RARB: variants seen among roughly 807,000 people sequenced by gnomAD.
RARB encodes the protein retinoic acid receptor beta.
A neutral mutation model predicts 51.9 loss-of-function variants in RARB; 17 were observed. The ratio of observed to expected loss-of-function variants is 0.33; its 90% CI spans 0.22 to 0.49. The LOEUF (loss-of-function observed/expected upper bound fraction) is 0.49, where lower values mean the gene tolerates loss of function less well. RARB is among the 20% of genes least tolerant of loss of function. The probability of loss-of-function intolerance (pLI) is 0.99; values close to 1 mark genes in which losing one functional copy is unlikely to be tolerated. For missense variants in RARB, 369 were observed against 550.8 expected (o/e 0.67, Z 3.30); for synonymous variants, 215 against 195.4 (o/e 1.10, Z -0.84).
intron 3 of RARB, among the ~76,000 whole-genome samples, chr3:25,524,811 C>A (rs1234743986): frequency 6.6e-6 from 1 of 152,056 alleles, no homozygotes; most frequent in Non-Finnish European, 1.5e-5. Flanking sequence ...TTCACTGCAA[C>A]CTCTGCCTCC....
chr3:24,959,464 C>G (rs993251866), intron 2 of RARB, among the ~76,000 whole-genome samples: 1 of 152,102 alleles, frequency 6.6e-6, no homozygotes, highest in East Asian at 1.9e-4. Context: ...CTCCCCTTCT[C>G]TGCTCTCTGC....
intron 2 of RARB, among the ~76,000 whole-genome samples, chr3:24,860,282 G>A (rs1328462840): frequency 6.6e-6 from 1 of 152,098 alleles, no homozygotes; most frequent in Non-Finnish European, 1.5e-5. Context: ...TAAACCTTTT[G>A]CATTTGGGAC....
At chr3:25,568,551 C>G (rs565377323) in intron 3 of RARB, among the ~76,000 whole-genome samples, 2 of 152,148 alleles carry the variant, frequency 1.3e-5, no homozygotes, top group South Asian at 4.2e-4. Flanking sequence ...TTCACCACTT[C>G]CTCTCTCCTC....
intron 2 of RARB, among the ~76,000 whole-genome samples, chr3:24,956,796 C>T (rs181467538): frequency 2.0e-5 from 3 of 152,166 alleles, no homozygotes; most frequent in South Asian, 4.2e-4. Flanking sequence ...GTCAACTTCC[C>T]CAGGAAACAG....
intron 2 of RARB, among the ~76,000 whole-genome samples, chr3:24,914,920 TTTG>T (rs1377858128): frequency 2.6e-5 from 4 of 152,166 alleles, no homozygotes; most frequent in Non-Finnish European, 5.9e-5. Flanking sequence ...CCTGTTTGGA[TTTG>T]TTGTTGAGCT....
At position 25,476,602 on chromosome 3, in the gene RARB, AC is replaced by A. The variant is rs368727566; in HGVS notation, c.306+15262del. ...AACGTATCTTTCATTTTATCTTTCTACAGTCTCCCCTGCCTTTCTGGGACCT... is the reference window on the plus strand; with the variant it reads ...AACGTATCTTTCATTTTATCTTTCTAAGTCTCCCCTGCCTTTCTGGGACCT... On this transcript the variant is annotated intron_variant, in intron 2 of 7. Transcript: ENST00000330688. Among the ~76,000 whole-genome samples, 25 of 152,188 alleles carry A rather than the reference AC, an allele frequency of 1.6e-4. No individual in the cohort carries two copies. In the East Asian group the frequency reaches 3.3e-3, roughly 20 times the overall value.
chr3:25,494,283 C>T (rs1228916470), intron 2 of RARB, among the ~76,000 whole-genome samples: 1 of 55,468 alleles, frequency 1.8e-5, no homozygotes, highest in East Asian at 7.1e-4. Flanking sequence ...ACACACATGC[C>T]ATCATTTACA....
At chr3:25,343,023 TTTGTGTG>T (rs1705278353) in intron 5 of RARB, among the ~76,000 whole-genome samples, 2 of 125,742 alleles carry the variant, frequency 1.6e-5, no homozygotes, top group Non-Finnish European at 3.2e-5. Context: ...TTGCAAGTAC[TTTGTGTG>T]TGTGTGTGTG....
chr3:25,314,224 A>G (rs977540465), intron 5 of RARB, among the ~76,000 whole-genome samples: 2 of 152,180 alleles, frequency 1.3e-5, no homozygotes, highest in African/African-American at 2.4e-5. Flanking sequence ...GATATATCTC[A>G]TAATATTTTC....
chr3:24,896,073 C>A (rs775114236), intron 2 of RARB, among the ~76,000 whole-genome samples: 4 of 152,132 alleles, frequency 2.6e-5, no homozygotes, highest in Admixed American at 6.5e-5. Context: ...GTGTATGAGC[C>A]TTGATGACAT....
intron 5 of RARB, among the ~76,000 whole-genome samples, chr3:25,392,381 T>C (rs778923070): frequency 1.2e-4 from 18 of 152,172 alleles, no homozygotes; most frequent in Non-Finnish European, 2.1e-4. Context: ...GGCTTTTTTT[T>C]TGGTTCCATA....
chr3:24,874,287 T>A (rs1182460433), intron 2 of RARB, among the ~76,000 whole-genome samples: 1 of 152,088 alleles, frequency 6.6e-6, no homozygotes, highest in Non-Finnish European at 1.5e-5. Context: ...ATTTTCTGTA[T>A]TTGTATGAAA....
chr3:25,020,964 T>C (rs1284825568), intron 2 of RARB, among the ~76,000 whole-genome samples: 1 of 152,124 alleles, frequency 6.6e-6, no homozygotes, highest in East Asian at 1.9e-4. Context: ...TGAAACACCG[T>C]CTCAAAATAA....
intron 2 of RARB, among the ~76,000 whole-genome samples, chr3:25,026,883 A>T (rs1416311707): frequency 1.3e-5 from 2 of 152,260 alleles, no homozygotes; most frequent in Admixed American, 1.3e-4. Flanking sequence ...CACAATAAAC[A>T]AAAATAGTCT....
intron 3 of RARB, among the ~76,000 whole-genome samples, chr3:25,077,370 C>T (rs191152143): frequency 1.6e-4 from 25 of 152,218 alleles, no homozygotes; most frequent in African/African-American, 5.8e-4. Context: ...CGTTCTCCTC[C>T]CCTACAGACT....
chr3:25,317,219 A>G (rs1341357398), intron 5 of RARB, among the ~76,000 whole-genome samples: 1 of 152,156 alleles, frequency 6.6e-6, no homozygotes, highest in Non-Finnish European at 1.5e-5. Context: ...CAGGGAAGGC[A>G]TTAAATAAGT....
At chr3:24,893,878 T>C (rs1559385749) in intron 2 of RARB, among the ~76,000 whole-genome samples, 1 of 152,152 alleles carries the variant, frequency 6.6e-6, no homozygotes, top group Non-Finnish European at 1.5e-5. Flanking sequence ...GGAATGTTTG[T>C]AACACTTTCA....
chr3:25,390,658 C>A (rs983862064), intron 5 of RARB, among the ~76,000 whole-genome samples: 7 of 152,072 alleles, frequency 4.6e-5, no homozygotes, highest in African/African-American at 1.7e-4. Flanking sequence ...AAATGCATAT[C>A]CTATCATATT....
In RARB at chr3:25,108,257, G is replaced by GA. The variant is rs1559469298; in HGVS notation, c.-327-23897dup. 2.0e-5 allele frequency among the ~76,000 whole-genome samples: 3 copies of GA among 152,014 alleles called. No individual in the cohort carries two copies. The South Asian group carries it at 6.2e-4, about 32-fold the overall frequency. On this transcript the variant is annotated intron_variant, in intron 3 of 11. Transcript: ENST00000383772. ...TGATCGTGGGTGACTGAAACCATGG[G>GA]AAAAAAATCATGGATAAGAGGGGAC...
Sources: gnomAD v4.1 joint callset for allele counts (sites outside exome capture counted in the v4.1 genomes callset) on GRCh38, gnomAD v4.1.1 for gene constraint, MANE v1.5 for transcripts, NCBI Gene and HGNC (gene_info 2026-07-23, HGNC 2026-07-21) for gene names.